Variants in PPEF1 observed in about 807,000 individuals in gnomAD.
PPEF1 encodes the protein protein phosphatase with EF-hand domain 1.
Under a neutral mutation model 53.3 loss-of-function variants are expected in PPEF1, and 12 were observed. That is an observed-to-expected ratio of 0.23 (90% CI 0.14 to 0.36). The LOEUF (loss-of-function observed/expected upper bound fraction) is 0.36. PPEF1 is among the 10% of genes least tolerant of loss of function. The pLI, the probability that PPEF1 is intolerant of heterozygous loss-of-function variation, is 1.00. For synonymous variants in PPEF1, 165 were observed against 176.7 expected, an observed-to-expected ratio of 0.93 and a Z score of 0.52; for missense variants, 334 against 490.4, an observed-to-expected ratio of 0.68 and a Z score of 3.01.
intron 9 of PPEF1, among the ~76,000 whole-genome samples, chrX:18,787,601 C>A (rs1176221295): frequency 1.8e-5 from 2 of 109,827 alleles, no homozygotes; most frequent in African/African-American, 3.3e-5. Context: ...GACCATGTGG[C>A]CTTGCTCAAT....
At chrX:18,714,391 C>A (rs1172067102) in intron 1 of PPEF1, among the ~76,000 whole-genome samples, 1 of 108,750 alleles carries the variant, frequency 9.2e-6, no homozygotes, top group African/African-American at 3.4e-5. Context: ...CCTGCCTCAG[C>A]CTCCTGAGTA....
chrX:18,763,573 G>A (rs1268958448), intron 6 of PPEF1, among the ~76,000 whole-genome samples: 1 of 110,900 alleles, frequency 9.0e-6, no homozygotes, highest in Non-Finnish European at 1.9e-5. Flanking sequence ...CTTTGAGGCT[G>A]TGAGAGCTTG....
chrX:18,781,477 A>G (rs1343475757), intron 7 of PPEF1, among the ~76,000 whole-genome samples: 4 of 111,549 alleles, frequency 3.6e-5, no homozygotes, highest in African/African-American at 1.3e-4. Context: ...AAGAGAGTTT[A>G]TGGTCACAGA....
At chrX:18,777,811 T>C (rs2045999942) in intron 6 of PPEF1, among the ~76,000 whole-genome samples, 1 of 110,973 alleles carries the variant, frequency 9.0e-6, no homozygotes, top group Admixed American at 9.6e-5. Flanking sequence ...AGTGGTGCAA[T>C]CCTGGTTCAT....
intron 4 of PPEF1, among the ~76,000 whole-genome samples, chrX:18,692,380 C>T (rs943308066): frequency 8.9e-6 from 1 of 112,060 alleles, no homozygotes; most frequent in Admixed American, 9.5e-5. Flanking sequence ...CTTGTCCACC[C>T]CTTGTAACCA....
chrX:18,786,204 G>A (rs532876764), intron 9 of PPEF1, among the ~76,000 whole-genome samples: 2 of 111,686 alleles, frequency 1.8e-5, no homozygotes, highest in East Asian at 5.7e-4. Flanking sequence ...AGCCTGAGCA[G>A]CCAGCTCTAT....
upstream of PPEF1, among the ~76,000 whole-genome samples, chrX:18,681,089 G>C (rs1038456099): frequency 2.7e-5 from 3 of 111,456 alleles, no homozygotes; most frequent in Non-Finnish European, 5.6e-5. Flanking sequence ...GTGTGCATGT[G>C]TCTTTATAGC....
At chrX:18,809,482 G>A (rs1160283197) in intron 12 of PPEF1, among the ~76,000 whole-genome samples, 1 of 110,505 alleles carries the variant, frequency 9.0e-6, no homozygotes, top group Admixed American at 9.8e-5. Flanking sequence ...GAGGCAGGAG[G>A]ATCATTTGAG....
intron 10 of PPEF1, among the ~76,000 whole-genome samples, chrX:18,793,642 C>T (rs1026627310): frequency 3.6e-5 from 4 of 110,293 alleles, no homozygotes; most frequent in Non-Finnish European, 3.8e-5. Context: ...GCTAAGTCGA[C>T]GTCTAGTCCC....
chrX:18,712,738 G>A (rs1760913727), intron 1 of PPEF1, among the ~76,000 whole-genome samples: 2 of 111,856 alleles, frequency 1.8e-5, no homozygotes, highest in Admixed American at 9.5e-5. Context: ...TCTTATATCA[G>A]CTGTGTCTTT....
intron 13 of PPEF1, among the ~76,000 whole-genome samples, chrX:18,821,083 C>G (rs1936097096): frequency 9.3e-6 from 1 of 107,889 alleles, no homozygotes; most frequent in Admixed American, 1.0e-4. Context: ...ATTAGCCAGG[C>G]GTGGTGGCGG....
intron 9 of PPEF1, 102 bp from the exon 10 acceptor site, chrX:18,789,019 G>T: frequency 1.0e-6 from 1 of 1,003,172 alleles, no homozygotes; most frequent in Non-Finnish European, 1.4e-6. Flanking sequence ...TTTTCATTGG[G>T]TTGTGGCACC....
intron 1 of PPEF1, among the ~76,000 whole-genome samples, chrX:18,725,024 G>C (rs2044674147): frequency 9.0e-6 from 1 of 111,094 alleles, no homozygotes; most frequent in Non-Finnish European, 1.9e-5. Context: ...ACAACAGCAG[G>C]ATGTGGATCA....
chrX:18,826,646 G>A (rs1052401338), intron 15 of PPEF1, among the ~76,000 whole-genome samples: 3 of 108,621 alleles, frequency 2.8e-5, no homozygotes, highest in South Asian at 4.1e-4. Context: ...GGCTGGTCTC[G>A]AACTCCCGAC....
At chrX:18,767,670 C>T (rs2045803899) in intron 6 of PPEF1, among the ~76,000 whole-genome samples, 1 of 112,135 alleles carries the variant, frequency 8.9e-6, no homozygotes, top group Admixed American at 9.4e-5. Flanking sequence ...CTGGAAAATC[C>T]ATTTAAGCAA....
intron 7 of PPEF1, among the ~76,000 whole-genome samples, chrX:18,779,467 G>A (rs1002003286): frequency 1.1e-4 from 12 of 111,623 alleles, no homozygotes; most frequent in African/African-American, 3.3e-4. Context: ...TGTGTGTTGG[G>A]TAGGTGTGTG....
intron 1 of PPEF1, among the ~76,000 whole-genome samples, chrX:18,717,633 C>T (rs2044486674): frequency 9.0e-6 from 1 of 111,544 alleles, no homozygotes; most frequent in South Asian, 3.8e-4. Context: ...CACTTCCTGG[C>T]AGTCTTTGGC....
chrX:18,741,601 A>G (rs1164482036), intron 3 of PPEF1, among the ~76,000 whole-genome samples: 2 of 109,925 alleles, frequency 1.8e-5, no homozygotes, highest in African/African-American at 3.3e-5. Context: ...ACAAGAAATA[A>G]AACATGATCA....
intron 1 of PPEF1, 63 bp downstream of exon 1, chrX:18,707,889 T>A: frequency 9.8e-7 from 1 of 1,018,402 alleles, no homozygotes; most frequent in Non-Finnish European, 1.4e-6. Context: ...GCCCTCACCC[T>A]CTTCTCCTTT....
Sources: allele counts gnomAD v4.1 joint callset (sites outside exome capture counted in the v4.1 genomes callset), GRCh38; gene constraint gnomAD v4.1.1; transcripts MANE v1.5; gene names NCBI Gene and HGNC (gene_info 2026-07-23, HGNC 2026-07-21).